The following CNTN4 variants were observed in gnomAD, a reference collection of about 807,000 sequenced individuals.
The protein encoded by CNTN4 is contactin-4.
CNTN4 carries 77 observed loss-of-function variants against 122.5 expected under a neutral mutation model. That is an observed-to-expected ratio of 0.63 (90% CI 0.52 to 0.76). The LOEUF (loss-of-function observed/expected upper bound fraction) is 0.76, where lower values mean the gene tolerates loss of function less well. Among genes scored for constraint, CNTN4 ranks in the 30% least tolerant of loss-of-function variants. The pLI is 0.00. For synonymous variants in CNTN4, 512 were observed against 447.0 expected, an observed-to-expected ratio of 1.15 and a Z score of -1.83; for missense variants, 1,256 against 1,259.1, an observed-to-expected ratio of 1.00 and a Z score of 0.04.
At chr3:2,944,332 A>C (rs2094650353) in intron 13 of CNTN4, among the ~76,000 whole-genome samples, 1 of 152,182 alleles carries the variant, frequency 6.6e-6, no homozygotes, top group Admixed American at 6.5e-5. Flanking sequence ...AGAGTTAAAA[A>C]ATAAATCTAA....
rs1442423195 is a variant in CNTN4, at chr3:2,269,914, G to GTTTGTTTA, written c.-144-69261_-144-69260insGTTTATTT. Among the ~76,000 whole-genome samples the GTTTGTTTA allele has an allele frequency of 3.7e-4, 20 of 54,794 alleles. 3 individuals are homozygous for GTTTGTTTA. The highest frequency in any genetic ancestry group is 9.3e-4 in the East Asian group (2 of 2,148). The allele number at this position is 54,794 out of a possible 152,430, so 35.9% of individuals were successfully genotyped here. On this transcript the variant is annotated intron_variant, in intron 2 of 24. Coordinates refer to ENST00000418658, the MANE Select transcript of CNTN4 (RefSeq NM_175607.3). ...TTATAGCCAGTTTGTTTGTTTGTTT[G>GTTTGTTTA]TTTATTTATTTATTTATTTATTTAT...
chr3:2,892,784 C>A (rs1472949884), intron 10 of CNTN4, among the ~76,000 whole-genome samples: 1 of 152,270 alleles, frequency 6.6e-6, no homozygotes, highest in South Asian at 2.1e-4. Context: ...GTAAACAAGG[C>A]TGTATTTCAC....
intron 2 of CNTN4, among the ~76,000 whole-genome samples, chr3:2,216,170 T>C (rs2149465635): frequency 6.6e-6 from 1 of 152,148 alleles, no homozygotes; most frequent in East Asian, 1.9e-4. Flanking sequence ...ATAAAGAAAA[T>C]GTGGAACATA....
chr3:2,496,417 A>G (rs1473424578), intron 3 of CNTN4, among the ~76,000 whole-genome samples: 1 of 152,198 alleles, frequency 6.6e-6, no homozygotes, highest in Non-Finnish European at 1.5e-5. Flanking sequence ...GGGGAAACAT[A>G]TGTAACAGTC....
intron 13 of CNTN4, among the ~76,000 whole-genome samples, chr3:2,951,527 T>C (rs552264837): frequency 1.3e-5 from 2 of 152,256 alleles, no homozygotes; most frequent in African/African-American, 4.8e-5. Context: ...AGCCTGGGGG[T>C]TGGGGACCCC....
chr3:2,721,489 A>T (rs2087849771), intron 4 of CNTN4, among the ~76,000 whole-genome samples: 1 of 152,054 alleles, frequency 6.6e-6, no homozygotes, highest in Non-Finnish European at 1.5e-5. Flanking sequence ...CTGACACATG[A>T]TATACTGATG....
chr3:2,335,262 A>C (rs2043899912), intron 2 of CNTN4, among the ~76,000 whole-genome samples: 1 of 152,114 alleles, frequency 6.6e-6, no homozygotes, highest in Admixed American at 6.6e-5. Context: ...GGTACAAGTT[A>C]TGGATTGAAC....
At chr3:2,669,020 G>T (rs1256106265) in intron 4 of CNTN4, among the ~76,000 whole-genome samples, 1 of 152,056 alleles carries the variant, frequency 6.6e-6, no homozygotes, top group Non-Finnish European at 1.5e-5. Context: ...TTTTTGCATC[G>T]ATGTTCATCA....
chr3:2,410,130 A>T (rs569960945), intron 3 of CNTN4, among the ~76,000 whole-genome samples: 1 of 152,116 alleles, frequency 6.6e-6, no homozygotes, highest in Non-Finnish European at 1.5e-5. Context: ...ACATTTAATC[A>T]TTTTTCTTTA....
intron 11 of CNTN4, among the ~76,000 whole-genome samples, chr3:2,901,751 T>C (rs1001121577): frequency 6.6e-6 from 1 of 152,174 alleles, no homozygotes; most frequent in African/African-American, 2.4e-5. Flanking sequence ...GAGATCAGTC[T>C]CAAATCCATC....
rs199514259 is a variant in CNTN4 at position 2,841,965 on chromosome 3, GAAAT to G, written c.454+22397_454+22400del. Among the ~76,000 whole-genome samples, 1 of 151,702 alleles carries G rather than the reference GAAAT, an allele frequency of 6.6e-6. No homozygotes were observed. Among genetic ancestry groups the G allele is most frequent in the East Asian group, 1.9e-4 (1 of 5,162 alleles). On this transcript the variant is annotated intron_variant, in intron 7 of 24. Coordinates refer to ENST00000418658, the MANE Select transcript of CNTN4 (RefSeq NM_175607.3). This position sits in a 1 kb window ranked among gnomAD's most constrained non-coding sequence, Gnocchi z 4.8. The stretch of plus-strand genomic sequence containing the variant: ...ATGATTTTAAAACAGATTGAAACCA[GAAAT>G]AAATAAATAAATGAAGCTAGCTGCC...
At chr3:2,701,508 C>A (rs1055163172) in intron 4 of CNTN4, among the ~76,000 whole-genome samples, 1 of 152,184 alleles carries the variant, frequency 6.6e-6, no homozygotes, top group Non-Finnish European at 1.5e-5. Context: ...TCAGAAGGTT[C>A]TGAAGATCCA....
chr3:2,392,396 A>G (rs1240446290), intron 3 of CNTN4, among the ~76,000 whole-genome samples: 1 of 152,182 alleles, frequency 6.6e-6, no homozygotes, highest in Non-Finnish European at 1.5e-5. Flanking sequence ...TGGTCATTAA[A>G]TGTCTCTGGT....
intron 3 of CNTN4, among the ~76,000 whole-genome samples, chr3:2,507,437 T>C (rs555824614): frequency 2.6e-5 from 4 of 152,120 alleles, no homozygotes; most frequent in South Asian, 4.2e-4. Context: ...TTGTGTTGGC[T>C]GGGTGCGGTG....
chr3:2,706,161 T>C (rs1254002816), intron 4 of CNTN4, among the ~76,000 whole-genome samples: 1 of 151,458 alleles, frequency 6.6e-6, no homozygotes, highest in Non-Finnish European at 1.5e-5. Context: ...AAATCATTTT[T>C]AAAATACGCT....
chr3:2,898,259 T>C (rs925744550), intron 10 of CNTN4, among the ~76,000 whole-genome samples: 8 of 152,330 alleles, frequency 5.3e-5, no homozygotes, highest in Admixed American at 2.0e-4. Flanking sequence ...CGTTCAGATA[T>C]TCACTTTGAG....
intron 24 of CNTN4, among the ~76,000 whole-genome samples, chr3:3,055,733 G>A (rs1559845593): frequency 6.6e-6 from 1 of 152,198 alleles, no homozygotes; most frequent in Non-Finnish European, 1.5e-5. Context: ...CCTTCATCCA[G>A]TTTTTGCAAG....
chr3:2,114,360 T>C (rs543369900), intron 2 of CNTN4, among the ~76,000 whole-genome samples: 2 of 152,262 alleles, frequency 1.3e-5, no homozygotes, highest in South Asian at 4.1e-4. Context: ...CTCGGGAGGC[T>C]GAGTTGGTAG....
At chr3:2,487,702 A>C (rs1018073212) in intron 3 of CNTN4, among the ~76,000 whole-genome samples, 3 of 152,218 alleles carry the variant, frequency 2.0e-5, no homozygotes, top group African/African-American at 7.2e-5. Flanking sequence ...TAGATACTAC[A>C]TTGATATTGA....
Sources: allele counts gnomAD v4.1 joint callset (sites outside exome capture counted in the v4.1 genomes callset), GRCh38; gene constraint gnomAD v4.1.1; non-coding constraint Gnocchi (gnomAD v3.1); transcripts MANE v1.5; gene names NCBI Gene and HGNC (gene_info 2026-07-23, HGNC 2026-07-21).